Variants in NOMO1 observed in about 807,000 individuals in gnomAD.
NOMO1 encodes NODAL modulator 1, also known as nodal modulator 3.
NOMO1 carries 40 observed loss-of-function variants against 133.8 expected under a neutral mutation model. The observed-to-expected ratio is 0.30, with a 90% CI of 0.23 to 0.39. The LOEUF (loss-of-function observed/expected upper bound fraction) is 0.39, where lower values mean the gene tolerates loss of function less well. NOMO1 is among the 10% of genes least tolerant of loss of function. The probability of loss-of-function intolerance (pLI) is 1.00; values close to 1 mark genes in which losing one functional copy is unlikely to be tolerated. For synonymous variants in NOMO1, 236 were observed against 570.5 expected (o/e 0.41, Z 8.36); for missense variants, 462 against 1,419.9 (o/e 0.33, Z 10.84).
At chr16:14,884,349 G>A (rs751884728) in intron 26 of NOMO1, 23 bp from the exon 27 acceptor site, 1 of 910,376 alleles carries the variant, frequency 1.1e-6, no homozygotes, top group Non-Finnish European at 1.7e-6. Context: ...CTCATTACTG[G>A]TATTCCCTCT....
chr16:14,859,111 G>T (rs1963885051), intron 11 of NOMO1, among the ~76,000 whole-genome samples: 1 of 151,984 alleles, frequency 6.6e-6, no homozygotes, highest in Admixed American at 6.5e-5. Context: ...TAGAAGAACA[G>T]TAGGCCAAAA....
intron 1 of NOMO1, among the ~76,000 whole-genome samples, chr16:14,837,895 T>C: frequency 9.6e-6 from 1 of 104,200 alleles, no homozygotes; most frequent in Non-Finnish European, 2.0e-5. Context: ...GGACTACCGG[T>C]GCCTGCCACC....
rs1197741199 is a variant in NOMO1, at chr16:14,881,545, T to G, written c.2887T>G (p.Cys963Gly). 1 of 1,608,744 alleles carries G rather than the reference T, an allele frequency of 6.2e-7. No homozygotes were observed. Among genetic ancestry groups the G allele is most frequent in the Non-Finnish European group, 8.5e-7 (1 of 1,178,090 alleles). Residue 963 changes from cysteine (C) to glycine (G), a missense_variant and splice_region_variant, in exon 25 of 31, where the codon TGC becomes GGC. Cys to Gly is a radical substitution (Grantham distance 159). Transcript: ENST00000287667. ...TCGTGCCTGTTCTTGCCATACTAGT[T>G]GCTATGGCACAGTGTCTTCCTTAAA... ...TITGYRTAYSCYGTVSSLNGE... is the reference protein window; with the variant it reads ...TITGYRTAYSGYGTVSSLNGE...
At chr16:14,892,800 TACTG>T (rs1964425511) in intron 29 of NOMO1, among the ~76,000 whole-genome samples, 1 of 149,778 alleles carries the variant, frequency 6.7e-6, no homozygotes, top group African/African-American at 2.4e-5. Context: ...TTGAGTCACT[TACTG>T]AGTGTTAGCA....
rs575191663 is a variant in NOMO1, at chr16:14,871,467, G to A, written c.1895-154G>A. On this transcript the variant is annotated intron_variant, in intron 16 of 30. Transcript: ENST00000287667. ...AGACGCCTTCATAGGCAGTGAAAAC[G>A]ATGCCTGCCCAGTATTTCTGATCCC... Among the ~76,000 whole-genome samples, 228 of 152,190 alleles carry A rather than the reference G, an allele frequency of 1.5e-3. 5 individuals are homozygous for A. The highest frequency in any genetic ancestry group is 5.3e-3 in the African/African-American group (219 of 41,474).
At chr16:14,841,901 C>A (rs1349223549) in intron 3 of NOMO1, among the ~76,000 whole-genome samples, 1 of 151,600 alleles carries the variant, frequency 6.6e-6, no homozygotes, top group Non-Finnish European at 1.5e-5. Context: ...TTACTTCCCC[C>A]GTGTCAGCCT....
chr16:14,866,466 G>C, intron 14 of NOMO1, 89 bp from the exon 15 acceptor site: 4 of 1,606,350 alleles, frequency 2.5e-6, no homozygotes, highest in Non-Finnish European at 3.4e-6. Flanking sequence ...TTTTAAAATT[G>C]ATTAATTCAT....
intron 29 of NOMO1, among the ~76,000 whole-genome samples, chr16:14,894,079 CA>C (rs1964444814): frequency 6.6e-6 from 1 of 150,664 alleles, no homozygotes; most frequent in Admixed American, 6.6e-5. Context: ...TAGAGTGGGC[CA>C]ATGGGATATA....
chr16:14,837,305 G>T (rs1301135373), intron 1 of NOMO1, among the ~76,000 whole-genome samples: 1 of 152,034 alleles, frequency 6.6e-6, no homozygotes, highest in Non-Finnish European at 1.5e-5. Flanking sequence ...CACCATGCCT[G>T]GCCGCAAACT....
At chr16:14,845,803 G>C (rs1963671333) in intron 4 of NOMO1, among the ~76,000 whole-genome samples, 2 of 150,862 alleles carry the variant, frequency 1.3e-5, no homozygotes, top group South Asian at 4.2e-4. Context: ...GCAAAATAAT[G>C]GTGAATCTTT....
At chr16:14,884,019 C>T (rs1964283722) in intron 26 of NOMO1, among the ~76,000 whole-genome samples, 1 of 149,892 alleles carries the variant, frequency 6.7e-6, no homozygotes, top group Non-Finnish European at 1.5e-5. Flanking sequence ...TGTCTATGGG[C>T]CAGGGACATG....
In NOMO1 at chr16:14,870,653, C is replaced by G. The variant is rs563399258; in HGVS notation, c.1895-968C>G. On this transcript the variant is annotated intron_variant, in intron 16 of 30. Coordinates refer to ENST00000287667, the MANE Select transcript of NOMO1 (RefSeq NM_014287.4). ...CTTCTTACCCATCAGTTCAGTATTGCTTCCCTGGGGAAGGATGGCCTCCAG... is the reference window on the plus strand; with the variant it reads ...CTTCTTACCCATCAGTTCAGTATTGGTTCCCTGGGGAAGGATGGCCTCCAG... Among the ~76,000 whole-genome samples the G allele has an allele frequency of 8.6e-3, 1,280 of 148,770 alleles. 37 individuals carry two copies. The highest frequency in any genetic ancestry group is 0.029 in the African/African-American group (1,191 of 40,906).
At chr16:14,854,130 AGGGCTGTTGG>A in intron 9 of NOMO1, 104 bp downstream of exon 9, 1 of 693,332 alleles carries the variant, frequency 1.4e-6, no homozygotes, top group Admixed American at 2.8e-5. Flanking sequence ...TTTATCTGGA[AGGGCTGTTGG>A]AAAAAATGCC....
intron 18 of NOMO1, among the ~76,000 whole-genome samples, chr16:14,873,607 G>C (rs1964109388): frequency 6.6e-6 from 1 of 150,772 alleles, no homozygotes; most frequent in African/African-American, 2.5e-5. Flanking sequence ...CTGTCTCCCT[G>C]CTTGGAAAGT....
intron 16 of NOMO1, among the ~76,000 whole-genome samples, chr16:14,869,770 T>G (rs1964055856): frequency 6.6e-6 from 1 of 151,812 alleles, no homozygotes; most frequent in Admixed American, 6.6e-5. Flanking sequence ...GGAATGGAAT[T>G]GCTGCATTGT....
intron 2 of NOMO1, among the ~76,000 whole-genome samples, chr16:14,840,824 G>A (rs1231167993): frequency 2.1e-5 from 3 of 145,520 alleles, no homozygotes; most frequent in African/African-American, 7.7e-5. Context: ...ACCACACCCA[G>A]CTGATTTTTT....
At chr16:14,888,628 C>A in intron 28 of NOMO1, 1 of 284,958 alleles carries the variant, frequency 3.5e-6, no homozygotes, top group Non-Finnish European at 6.7e-6. Context: ...GCACACAGAG[C>A]TGTGGCTGCC....
chr16:14,889,178 G>T lies in NOMO1; in HGVS notation c.3407G>T (p.Gly1136Val), dbSNP rs769255918. The stretch of plus-strand genomic sequence containing the variant: ...CCTCAAGTTTCTTTCACCGCAGTGG[G>T]CTACCATAAACACATCACCTTGATT... ...ILPQVSFTAV[G>V]YHKHITLIFN... Residue 1136 changes from glycine (G) to valine (V), a missense_variant, in exon 29 of 31, where the codon GGC (glycine) becomes GTC (valine). By Grantham distance (109) the Gly-to-Val change is moderately radical. Coordinates refer to ENST00000287667, the MANE Select transcript of NOMO1 (RefSeq NM_014287.4). The T allele has an allele frequency of 6.2e-7, 1 of 1,611,530 alleles. No individual in the cohort carries two copies. The highest frequency in any genetic ancestry group is 1.1e-5 in the South Asian group (1 of 90,932).
intron 13 of NOMO1, 56 bp downstream of exon 13, chr16:14,864,782 A>G: frequency 3.1e-6 from 5 of 1,613,214 alleles, no homozygotes; most frequent in Non-Finnish European, 3.4e-6. Context: ...AGCCGGTAGG[A>G]GTGGGATTTG....
Sources: allele counts gnomAD v4.1 joint callset (sites outside exome capture counted in the v4.1 genomes callset), GRCh38; gene constraint gnomAD v4.1.1; transcripts MANE v1.5; gene names NCBI Gene and HGNC (gene_info 2026-07-23, HGNC 2026-07-21).